PPM1A: variants seen among roughly 807,000 people sequenced by gnomAD.
PPM1A encodes the protein protein phosphatase 1A.
A neutral mutation model predicts 35.0 loss-of-function variants in PPM1A; 7 were observed. The ratio of observed to expected loss-of-function variants is 0.20; its 90% CI spans 0.11 to 0.38. The LOEUF (loss-of-function observed/expected upper bound fraction) is 0.38. Ranked by LOEUF, PPM1A falls within the 10% of genes least tolerant of loss-of-function variation. The probability of loss-of-function intolerance (pLI) is 1.00; values close to 1 mark genes in which losing one functional copy is unlikely to be tolerated. For synonymous variants in PPM1A, 153 were observed against 167.3 expected (o/e 0.91, Z 0.66); for missense variants, 239 against 467.8 (o/e 0.51, Z 4.51).
chr14:60,269,640 C>G (rs1224919006), intron 1 of PPM1A, among the ~76,000 whole-genome samples: 2 of 152,144 alleles, frequency 1.3e-5, no homozygotes, highest in African/African-American at 4.8e-5. Flanking sequence ...CCTCCGCCTC[C>G]TGGGTTCAAG....
intron 3 of PPM1A, chr14:60,288,670 G>T: frequency 4.7e-6 from 2 of 426,288 alleles, no homozygotes; most frequent in African/African-American, 2.2e-5. Flanking sequence ...ACCATTTAAA[G>T]AAATATTATG....
At position 60,263,398 on chromosome 14, in the gene PPM1A, T is replaced by C. The variant is rs571908069; in HGVS notation, c.-21+13721T>C. ...GAACATACTTTTATGTATTTACTTA[T>C]TTATTGAGCAGTTCCCAAATGGCAA... On this transcript the variant is annotated intron_variant, in intron 1 of 5. Coordinates refer to ENST00000395076, the MANE Select transcript of PPM1A (RefSeq NM_021003.5). Among the ~76,000 whole-genome samples, 7 of 152,362 alleles carry C rather than the reference T, an allele frequency of 4.6e-5. 1 individual carries two copies. In the South Asian group the frequency reaches 1.5e-3, roughly 32 times the overall value.
chr14:60,296,792 C>A lies in PPM1A; in HGVS notation c.*4310C>A. On this transcript the variant is annotated 3_prime_UTR_variant, in exon 6 of 6. Coordinates refer to ENST00000395076, the MANE Select transcript of PPM1A (RefSeq NM_021003.5). This position sits in a 1 kb window ranked among gnomAD's most constrained non-coding sequence, Gnocchi z 4.4. The stretch of plus-strand genomic sequence containing the variant: ...TTAAATGTTTGTTATTACTGATAGT[C>A]AAAATGCTCAATAGAAATGATGAGA... 3.0e-6 allele frequency: 1 copy of A among 330,410 alleles called. No individual in the cohort carries two copies. Among genetic ancestry groups the A allele is most frequent in the South Asian group, 1.4e-4 (1 of 7,060 alleles). 20.5% of individuals were successfully genotyped at this position (330,410 alleles called of 1,614,324 possible). A position where few individuals can be genotyped will look rare whatever the true frequency, so the allele number is the denominator to read the frequency against.
chr14:60,262,677 C>A (rs1257823176), intron 1 of PPM1A, among the ~76,000 whole-genome samples: 1 of 152,110 alleles, frequency 6.6e-6, no homozygotes, highest in African/African-American at 2.4e-5. Flanking sequence ...CAGAGCAACA[C>A]CCTACCTCAA....
At position 60,292,395 on chromosome 14, in the gene PPM1A, T is replaced by C; in HGVS notation, c.1120-58T>C. 1 of 1,256,320 alleles carries C rather than the reference T, an allele frequency of 8.0e-7. No individual in the cohort carries two copies. 77.8% of individuals were successfully genotyped at this position (1,256,320 alleles called of 1,614,324 possible). ...TTTCTCCATTATCCAGAAAGTATGG[T>C]GTATTTTGGCACCGCTAAATTTTAA... is the stretch of plus-strand genomic sequence containing the variant. On this transcript the variant is annotated intron_variant, in intron 5 of 5. Transcript: ENST00000395076. This position sits in a 1 kb window ranked among gnomAD's most constrained non-coding sequence, Gnocchi z 4.2.
chr14:60,265,538 A>T (rs1325117207), intron 1 of PPM1A, among the ~76,000 whole-genome samples: 1 of 152,270 alleles, frequency 6.6e-6, no homozygotes, highest in African/African-American at 2.4e-5. Context: ...AATATTTAAC[A>T]TACATTAAAA....
At chr14:60,281,278 G>C (rs142943327) in intron 1 of PPM1A, among the ~76,000 whole-genome samples, 1 of 152,104 alleles carries the variant, frequency 6.6e-6, no homozygotes, top group Admixed American at 6.5e-5. Flanking sequence ...CTTACCTTTC[G>C]TTAGTTGAAC....
At chr14:60,258,696 G>A (rs1883412838) in intron 1 of PPM1A, among the ~76,000 whole-genome samples, 1 of 152,050 alleles carries the variant, frequency 6.6e-6, no homozygotes, top group Non-Finnish European at 1.5e-5. Flanking sequence ...GATACAGTTT[G>A]TTGGCCGGCC....
intron 1 of PPM1A, among the ~76,000 whole-genome samples, chr14:60,254,062 G>A (rs1882758762): frequency 6.6e-6 from 1 of 152,170 alleles, no homozygotes. Flanking sequence ...TTTCTACCAT[G>A]AAGAAAGTGC....
chr14:60,281,792 C>T (rs1463900640), intron 1 of PPM1A, among the ~76,000 whole-genome samples: 1 of 152,204 alleles, frequency 6.6e-6, no homozygotes, highest in Non-Finnish European at 1.5e-5. Context: ...GCTGAGCCTT[C>T]AGGCTTGTCA....
At chr14:60,262,454 C>T (rs766083261) in intron 1 of PPM1A, among the ~76,000 whole-genome samples, 6 of 152,064 alleles carry the variant, frequency 3.9e-5, no homozygotes, top group African/African-American at 7.2e-5. Flanking sequence ...GAAGCCGAGG[C>T]GGGAGGATTG....
chr14:60,258,860 G>T (rs976035758), intron 1 of PPM1A, among the ~76,000 whole-genome samples: 3 of 152,012 alleles, frequency 2.0e-5, no homozygotes, highest in Non-Finnish European at 2.9e-5. Flanking sequence ...TTTCCTCCTG[G>T]ATCTTAAAAT....
chr14:60,249,153 G>C, upstream of PPM1A: 5 of 877,684 alleles, frequency 5.7e-6, no homozygotes, highest in African/African-American at 1.8e-5. This position sits in a 1 kb window ranked among gnomAD's most constrained non-coding sequence, Gnocchi z 4.5. Context: ...GGAGCCAGCG[G>C]GGCGGGGCGA....
chr14:60,261,384 T>G (rs751622352), intron 1 of PPM1A, among the ~76,000 whole-genome samples: 1 of 152,164 alleles, frequency 6.6e-6, no homozygotes, highest in Non-Finnish European at 1.5e-5. Context: ...TTAAAATATT[T>G]TGTCCTGAAT....
At chr14:60,249,217 C>T, upstream of PPM1A, 1 of 986,204 alleles carries the variant, frequency 1.0e-6, no homozygotes, top group Non-Finnish European at 1.2e-6. The surrounding 1 kb of genome is among the most constrained non-coding windows in gnomAD (Gnocchi z 4.5). Context: ...CGCGGGGCCG[C>T]GCTAGAGGCG....
intron 1 of PPM1A, among the ~76,000 whole-genome samples, chr14:60,258,928 A>G (rs1432989181): frequency 6.6e-6 from 1 of 152,130 alleles, no homozygotes; most frequent in Non-Finnish European, 1.5e-5. Context: ...AGAGGATTCT[A>G]TGAGCTTATG....
chr14:60,285,663 C>A lies in PPM1A; in HGVS notation c.874C>A (p.Pro292Thr), dbSNP rs1300513809. 1.9e-6 allele frequency: 3 copies of A among 1,613,804 alleles called. No homozygotes were observed. The highest frequency in any genetic ancestry group is 2.5e-6 in the Non-Finnish European group (3 of 1,179,826). The change falls in exon 3 of 6, where the codon CCA becomes ACA. Residue 292 changes from proline to threonine, a missense_variant. Physicochemically the swap from Pro to Thr is conservative, Grantham distance 38. Coordinates refer to ENST00000395076, the MANE Select transcript of PPM1A (RefSeq NM_021003.5). ...DNMSVILICF[P>T]NAPKVSPEAV... The stretch of plus-strand genomic sequence containing the variant: ...CATGAGTGTGATTTTGATCTGTTTT[C>A]CAAATGCACCCAAAGTATCGCCAGA...
chr14:60,274,404 G>A (rs988003961), intron 1 of PPM1A, among the ~76,000 whole-genome samples: 1 of 152,188 alleles, frequency 6.6e-6, no homozygotes, highest in Admixed American at 6.5e-5. Context: ...TGGGTAGCTC[G>A]AGGGGAATAA....
intron 2 of PPM1A, among the ~76,000 whole-genome samples, chr14:60,284,678 CGT>C (rs1886772699): frequency 7.7e-6 from 1 of 129,914 alleles, no homozygotes; most frequent in African/African-American, 3.5e-5. Context: ...AATTAATGAG[CGT>C]ATGTATATAT....
Sources: gnomAD v4.1 joint callset for allele counts (sites outside exome capture counted in the v4.1 genomes callset) on GRCh38, gnomAD v4.1.1 for gene constraint, Gnocchi (gnomAD v3.1) non-coding constraint, MANE v1.5 for transcripts, NCBI Gene and HGNC (gene_info 2026-07-23, HGNC 2026-07-21) for gene names.